SUGCT: variants seen among roughly 807,000 people sequenced by gnomAD.
SUGCT encodes succinyl-CoA:glutarate CoA-transferase.
SUGCT carries 41 observed loss-of-function variants against 55.0 expected under a neutral mutation model. The observed-to-expected ratio is 0.74, with a 90% CI of 0.58 to 0.97. The LOEUF is 0.97. Among genes scored for constraint, SUGCT ranks in the 50% least tolerant of loss-of-function variants. The probability of loss-of-function intolerance (pLI) is 0.00; values close to 1 mark genes in which losing one functional copy is unlikely to be tolerated. For missense variants in SUGCT, 568 were observed against 547.8 expected, an observed-to-expected ratio of 1.04 and a Z score of -0.37; for synonymous variants, 187 against 200.4, an observed-to-expected ratio of 0.93 and a Z score of 0.56.
chr7:40,698,068 G>A (rs1785012933), intron 12 of SUGCT, among the ~76,000 whole-genome samples: 1 of 152,218 alleles, frequency 6.6e-6, no homozygotes, highest in Admixed American at 6.5e-5. Context: ...TGAAGGATGA[G>A]TGGGATGCTC....
chr7:40,285,996 C>T (rs1282772074), intron 8 of SUGCT, among the ~76,000 whole-genome samples: 1 of 152,148 alleles, frequency 6.6e-6, no homozygotes, highest in Middle Eastern at 3.2e-3. Context: ...ATATTTTCAC[C>T]TCCAAGGGTA....
chr7:40,354,450 T>C (rs1797792428), intron 9 of SUGCT, among the ~76,000 whole-genome samples: 1 of 152,182 alleles, frequency 6.6e-6, no homozygotes, highest in South Asian at 2.1e-4. Flanking sequence ...AAAGCTGTGG[T>C]CATGGAAGGA....
chr7:40,400,403 G>T (rs1223116963), intron 9 of SUGCT, among the ~76,000 whole-genome samples: 1 of 152,178 alleles, frequency 6.6e-6, no homozygotes, highest in Non-Finnish European at 1.5e-5. Context: ...CAAAGGAGGA[G>T]CAGGCAGGTC....
At chr7:40,385,295 T>C (rs1369922978) in intron 9 of SUGCT, among the ~76,000 whole-genome samples, 3 of 152,196 alleles carry the variant, frequency 2.0e-5, no homozygotes, top group Non-Finnish European at 4.4e-5. Context: ...GCTGAAATTC[T>C]ATCAGTATGT....
intron 11 of SUGCT, among the ~76,000 whole-genome samples, chr7:40,489,426 A>G (rs1208163953): frequency 1.3e-5 from 2 of 152,152 alleles, no homozygotes. Flanking sequence ...CACGCCTTTA[A>G]TCCCAGAACT....
chr7:40,339,393 C>T (rs1796916253), intron 9 of SUGCT, among the ~76,000 whole-genome samples: 1 of 152,166 alleles, frequency 6.6e-6, no homozygotes, highest in Non-Finnish European at 1.5e-5. Context: ...GTGGGCTCCA[C>T]CTGGTTCGAG....
chr7:40,847,411 CTTTTTTTTTTT>C (rs981613426), intron 13 of SUGCT, among the ~76,000 whole-genome samples: 8 of 75,398 alleles, frequency 1.1e-4, no homozygotes, highest in African/African-American at 3.7e-4. Flanking sequence ...TTCTTTCTTT[CTTTTTTTTTTT>C]TTTTTTTTTT....
At chr7:40,379,597 C>A (rs1366545791) in intron 9 of SUGCT, among the ~76,000 whole-genome samples, 3 of 151,962 alleles carry the variant, frequency 2.0e-5, no homozygotes, top group African/African-American at 7.3e-5. Context: ...TGTATGTGAC[C>A]ACTGAGTGTC....
chr7:40,402,753 C>A (rs181861921), intron 9 of SUGCT, among the ~76,000 whole-genome samples: 2 of 152,126 alleles, frequency 1.3e-5, no homozygotes, highest in African/African-American at 4.8e-5. Flanking sequence ...TTAGAAAGTC[C>A]GCTCTCATTG....
chr7:40,681,121 G>GA (rs1784219664), intron 12 of SUGCT, among the ~76,000 whole-genome samples: 1 of 152,100 alleles, frequency 6.6e-6, no homozygotes, highest in Non-Finnish European at 1.5e-5. Flanking sequence ...CTAAAAGCCG[G>GA]AATCTCCAGT....
intron 7 of SUGCT, among the ~76,000 whole-genome samples, chr7:40,244,715 T>C (rs1254859536): frequency 6.6e-6 from 1 of 152,220 alleles, no homozygotes; most frequent in African/African-American, 2.4e-5. Context: ...CACCGTATTA[T>C]TCTTAGTTTT....
chr7:41,005,928 C>T, the SUGCT span, among the ~76,000 whole-genome samples: 1 of 152,216 alleles, frequency 6.6e-6, no homozygotes, highest in Non-Finnish European at 1.5e-5. Flanking sequence ...TCCCAGACTG[C>T]AACGTTCATT....
intron 8 of SUGCT, among the ~76,000 whole-genome samples, chr7:40,278,945 G>A (rs1380332145): frequency 6.6e-6 from 1 of 151,052 alleles, no homozygotes; most frequent in Non-Finnish European, 1.5e-5. Flanking sequence ...TCCTTCCTCA[G>A]CTTCCCTAGT....
chr7:40,166,305 A>G (rs1281299652), intron 1 of SUGCT, among the ~76,000 whole-genome samples: 2 of 152,194 alleles, frequency 1.3e-5, no homozygotes, highest in Non-Finnish European at 2.9e-5. Flanking sequence ...GAGCTCTTAT[A>G]TAGTAGAGCA....
chr7:40,909,589 T>G, the SUGCT span, among the ~76,000 whole-genome samples: 409 of 152,314 alleles, frequency 2.7e-3, 3 homozygotes, highest in African/African-American at 7.2e-3. Flanking sequence ...TTCTTAGACA[T>G]TGGAGTTCTC....
At chr7:40,135,352 G>A (rs1370704961) in intron 1 of SUGCT, among the ~76,000 whole-genome samples, 2 of 152,244 alleles carry the variant, frequency 1.3e-5, no homozygotes, top group African/African-American at 2.4e-5. Flanking sequence ...TCCGTGCGCC[G>A]TGGGGTCCCG....
the SUGCT span, among the ~76,000 whole-genome samples, chr7:40,881,517 C>A: frequency 9.8e-5 from 15 of 152,328 alleles, no homozygotes; most frequent in East Asian, 2.9e-3. Context: ...TGAGCAACAG[C>A]CACTTTATTG....
At chr7:40,145,171 A>C (rs577174244) in intron 1 of SUGCT, among the ~76,000 whole-genome samples, 1 of 152,164 alleles carries the variant, frequency 6.6e-6, no homozygotes, top group Non-Finnish European at 1.5e-5. Flanking sequence ...AAAACAAAAA[A>C]TTTTTTTAAC....
At chr7:40,151,578 C>G in intron 1 of SUGCT, 1 of 225,946 alleles carries the variant, frequency 4.4e-6, no homozygotes, top group African/African-American at 2.3e-5. Context: ...ATCCCAGAGC[C>G]TGGGACAGTG....
Sources: allele counts gnomAD v4.1 joint callset (sites outside exome capture counted in the v4.1 genomes callset), GRCh38; gene constraint gnomAD v4.1.1; transcripts MANE v1.5; gene names NCBI Gene and HGNC (gene_info 2026-07-23, HGNC 2026-07-21).